Variants in AQP9 observed in about 807,000 individuals in gnomAD.
AQP9 encodes aquaporin-9.
A neutral mutation model predicts 23.8 loss-of-function variants in AQP9; 19 were observed. That is an observed-to-expected ratio of 0.80 (90% CI 0.56 to 1.17). The LOEUF is 1.17. AQP9 is among the 50% of genes most tolerant of loss of function. The probability of loss-of-function intolerance (pLI) is 0.00; values close to 1 mark genes in which losing one functional copy is unlikely to be tolerated. For missense variants in AQP9, 413 were observed against 362.0 expected, an observed-to-expected ratio of 1.14 and a Z score of -1.14; for synonymous variants, 153 against 131.5, an observed-to-expected ratio of 1.16 and a Z score of -1.12.
rs1482970572 is a variant in AQP9, at chr15:58,184,130, A to G, written c.883A>G (p.Met295Val). 7 of 1,613,752 alleles carry G rather than the reference A, an allele frequency of 4.3e-6. No homozygotes were observed. Among genetic ancestry groups the G allele is most frequent in the East Asian group, 2.2e-5 (1 of 44,882 alleles). The change falls in exon 6 of 6, where the codon ATG becomes GTG. Residue 295 changes from methionine to valine, a missense_variant. Physicochemically the swap from Met to Val is conservative, Grantham distance 21. Transcript: ENST00000219919. ...AGAGAAATATGAACTCAGTGTCATC[A>G]TGTAGTGGCATGCTCAGCTCTGGAT... is the stretch of plus-strand genomic sequence containing the variant. ...KPEKYELSVIM is the reference protein window; with the variant it reads ...KPEKYELSVIV
At chr15:58,142,662 C>T (rs1168655939) in intron 1 of AQP9, among the ~76,000 whole-genome samples, 1 of 152,192 alleles carries the variant, frequency 6.6e-6, no homozygotes, top group Non-Finnish European at 1.5e-5. Flanking sequence ...TTCCTCAAGA[C>T]CACTCTTTTG....
chr15:58,173,905 C>A (rs1402879176), intron 3 of AQP9, among the ~76,000 whole-genome samples: 3 of 152,108 alleles, frequency 2.0e-5, no homozygotes, highest in Non-Finnish European at 4.4e-5. Context: ...TTCCTTCTAA[C>A]CCAAGGTAAG....
At position 58,167,558 on chromosome 15, in the gene AQP9, G is replaced by A. The variant is rs142669315; in HGVS notation, c.238+759G>A. On this transcript the variant is annotated intron_variant, in intron 2 of 5. Transcript: ENST00000219919. Reference sequence around the variant, plus strand: ...CTCCTTTACAACAGCACTCTGAGGCGGGTATTACTGTCTCCATTCTACAAA... The same window carrying A: ...CTCCTTTACAACAGCACTCTGAGGCAGGTATTACTGTCTCCATTCTACAAA... Among the ~76,000 whole-genome samples the A allele has an allele frequency of 1.3e-3, 194 of 152,254 alleles. 1 individual carries two copies. The highest frequency in any genetic ancestry group is 4.4e-3 in the African/African-American group (184 of 41,538).
intron 2 of AQP9, among the ~76,000 whole-genome samples, chr15:58,168,762 C>T (rs999000552): frequency 7.2e-5 from 11 of 152,266 alleles, no homozygotes; most frequent in South Asian, 6.2e-4. Flanking sequence ...AAGGCAAACT[C>T]CAAGAAGGGC....
Position 58,176,094 on chromosome 15 carries a change from A to G in AQP9, c.495+1058A>G, listed in dbSNP as rs557912732. On this transcript the variant is annotated intron_variant, in intron 4 of 5. Transcript: ENST00000219919. ...TATTCACTTGTAAAATGGGGATAAT[A>G]TGAGCCTTCATGAAGTTACTTATGA... Among the ~76,000 whole-genome samples the G allele has an allele frequency of 2.8e-3, 423 of 152,354 alleles. 4 individuals are homozygous for G. The highest frequency in any genetic ancestry group is 9.8e-3 in the African/African-American group (409 of 41,586).
intron 5 of AQP9, among the ~76,000 whole-genome samples, chr15:58,182,709 T>A (rs1225248292): frequency 4.6e-5 from 7 of 152,146 alleles, no homozygotes; most frequent in African/African-American, 1.4e-4. Context: ...GAGTACAGCA[T>A]CCTCGCTGCC....
chr15:58,162,982 A>G (rs1320760870), intron 1 of AQP9, among the ~76,000 whole-genome samples: 2 of 152,218 alleles, frequency 1.3e-5, no homozygotes, highest in African/African-American at 4.8e-5. Context: ...TAACTGAAAT[A>G]CAAAGTTTGT....
intron 1 of AQP9, among the ~76,000 whole-genome samples, chr15:58,165,040 A>T (rs1898468975): frequency 6.6e-6 from 1 of 152,108 alleles, no homozygotes; most frequent in South Asian, 2.1e-4. Context: ...ATATTTCCTC[A>T]TATGCTCTCT....
At position 58,180,591 on chromosome 15, in the gene AQP9, G is replaced by A. The variant is rs188856975; in HGVS notation, c.713+1246G>A. ...GGACACTTCCTAGGAGTTGAAGGAT[G>A]CAAAGCAACTCAGTCAACATTCCCT... On this transcript the variant is annotated intron_variant, in intron 5 of 5. Coordinates refer to ENST00000219919, the MANE Select transcript of AQP9 (RefSeq NM_020980.5). Among the ~76,000 whole-genome samples the A allele has an allele frequency of 2.0e-5, 3 of 152,302 alleles. No individual in the cohort carries two copies. The East Asian group carries it at 5.8e-4, about 29-fold the overall frequency.
Position 58,179,472 on chromosome 15 carries a change from A to C in AQP9, c.713+127A>C, listed in dbSNP as rs533229714. The C allele has an allele frequency of 4.1e-5, 31 of 762,860 alleles. 2 individuals are homozygous for C. In the South Asian group the frequency reaches 5.1e-4, roughly 12 times the overall value. 47.3% of individuals were successfully genotyped at this position (762,860 alleles called of 1,614,324 possible). On this transcript the variant is annotated intron_variant, in intron 5 of 5. Transcript: ENST00000219919. ...CCAACGTTAACTGCACACTCTGGTC[A>C]TAAGCATGAGACATTTCACTGGTAT...
At chr15:58,180,489 G>A (rs1898861423) in intron 5 of AQP9, among the ~76,000 whole-genome samples, 1 of 152,162 alleles carries the variant, frequency 6.6e-6, no homozygotes, top group Admixed American at 6.5e-5. Context: ...TATCCACAGT[G>A]CCTAGAACAG....
At chr15:58,146,079 T>G (rs1188210518) in intron 1 of AQP9, among the ~76,000 whole-genome samples, 1 of 152,204 alleles carries the variant, frequency 6.6e-6, no homozygotes, top group African/African-American at 2.4e-5. Context: ...ATTTCACTAT[T>G]ATGTGCCTAG....
chr15:58,159,608 A>G (rs4643260), intron 1 of AQP9, among the ~76,000 whole-genome samples: 25,055 of 152,038 alleles, frequency 0.16, 2,114 homozygotes, highest in Non-Finnish European at 0.19. Flanking sequence ...ACTAGGTCTT[A>G]TTTCTTCTAT....
At chr15:58,173,039 C>T in intron 2 of AQP9, 29 bp from the exon 3 acceptor site, 1 of 1,613,108 alleles carries the variant, frequency 6.2e-7, no homozygotes, top group South Asian at 1.1e-5. Context: ...CCTAACCTGC[C>T]CTCTCACTTC....
intron 2 of AQP9, among the ~76,000 whole-genome samples, chr15:58,171,370 A>T (rs1176749945): frequency 6.6e-6 from 1 of 152,108 alleles, no homozygotes; most frequent in Non-Finnish European, 1.5e-5. Flanking sequence ...TACAGGCATG[A>T]GCCACTGCAC....
chr15:58,172,816 T>C lies in AQP9; in HGVS notation c.239-252T>C, dbSNP rs140910203. On this transcript the variant is annotated intron_variant, in intron 2 of 5. Coordinates refer to ENST00000219919, the MANE Select transcript of AQP9 (RefSeq NM_020980.5). ...CACTTGAGCACATCAAGTTTCTTTT[T>C]ATACCTGACTCTCTTTTCATCAAGA... 5.3e-5 allele frequency among the ~76,000 whole-genome samples: 8 copies of C among 152,332 alleles called. No homozygotes were observed. In the East Asian group the frequency reaches 1.5e-3, roughly 29 times the overall value.
rs147262706 is a variant in AQP9 at position 58,170,670 on chromosome 15, T to C, written c.239-2398T>C. ...CACTCGCCTTGGCCTCCCAAAGTGC[T>C]GAGATTACAAGCGTGAGCCACCATG... On this transcript the variant is annotated intron_variant, in intron 2 of 5. Coordinates refer to ENST00000219919, the MANE Select transcript of AQP9 (RefSeq NM_020980.5). Among the ~76,000 whole-genome samples, 775 of 152,282 alleles carry C rather than the reference T, an allele frequency of 5.1e-3. 4 individuals are homozygous for C. The highest frequency in any genetic ancestry group is 0.018 in the African/African-American group (739 of 41,558).
intron 4 of AQP9, among the ~76,000 whole-genome samples, chr15:58,176,965 C>A (rs1212572227): frequency 6.6e-6 from 1 of 152,052 alleles, no homozygotes; most frequent in African/African-American, 2.4e-5. Context: ...TCTCTAAGGT[C>A]TGTGGTTTCT....
intron 1 of AQP9, among the ~76,000 whole-genome samples, chr15:58,148,666 T>G (rs181122656): frequency 1.2e-4 from 19 of 152,334 alleles, no homozygotes; most frequent in Non-Finnish European, 2.1e-4. Flanking sequence ...TTCTGGTCCT[T>G]GGGATGGTGA....
Sources: allele counts gnomAD v4.1 joint callset (sites outside exome capture counted in the v4.1 genomes callset), GRCh38; gene constraint gnomAD v4.1.1; transcripts MANE v1.5; gene names NCBI Gene and HGNC (gene_info 2026-07-23, HGNC 2026-07-21).